The following HERPUD2 variants were observed in gnomAD, a reference collection of about 807,000 sequenced individuals.
The protein encoded by HERPUD2 is homocysteine-responsive endoplasmic reticulum-resident ubiquitin-like domain member 2 protein.
Under a neutral mutation model 49.9 loss-of-function variants are expected in HERPUD2, and 13 were observed. The ratio of observed to expected loss-of-function variants is 0.26; its 90% CI spans 0.17 to 0.41. The LOEUF is 0.41. Among genes scored for constraint, HERPUD2 ranks in the 10% least tolerant of loss-of-function variants. The probability of loss-of-function intolerance (pLI) is 1.00; values close to 1 mark genes in which losing one functional copy is unlikely to be tolerated. For missense variants in HERPUD2, 449 were observed against 492.2 expected (o/e 0.91, Z 0.83); for synonymous variants, 172 against 171.4 (o/e 1.00, Z -0.03).
intron 5 of HERPUD2, among the ~76,000 whole-genome samples, chr7:35,643,611 TAC>T (rs369044326): frequency 3.1e-4 from 46 of 149,636 alleles, no homozygotes; most frequent in Middle Eastern, 3.5e-3. Flanking sequence ...TATATGTGTG[TAC>T]ACACACACAC....
At chr7:35,657,666 T>C (rs555070186) in intron 5 of HERPUD2, among the ~76,000 whole-genome samples, 1 of 149,112 alleles carries the variant, frequency 6.7e-6, no homozygotes. Context: ...TCCCAGCACT[T>C]TGGGAGGCCG....
intron 5 of HERPUD2, among the ~76,000 whole-genome samples, chr7:35,642,730 T>C (rs1320717520): frequency 6.6e-6 from 1 of 152,212 alleles, no homozygotes; most frequent in Non-Finnish European, 1.5e-5. Context: ...CCGCATGTTC[T>C]CACTTATTAG....
chr7:35,634,498 T>C (rs2115814387), intron 7 of HERPUD2, 69 bp from the exon 8 acceptor site: 2 of 906,858 alleles, frequency 2.2e-6, no homozygotes, highest in African/African-American at 1.7e-5. Flanking sequence ...TATAAAATGT[T>C]ATTAGTGTCC....
At chr7:35,665,787 C>CT (rs1179903994) in intron 5 of HERPUD2, among the ~76,000 whole-genome samples, 1 of 152,170 alleles carries the variant, frequency 6.6e-6, no homozygotes, top group Non-Finnish European at 1.5e-5. Flanking sequence ...GAGCTGAATG[C>CT]TTTTGTCTTT....
intron 5 of HERPUD2, among the ~76,000 whole-genome samples, chr7:35,664,260 C>T (rs1054852124): frequency 3.9e-5 from 6 of 152,202 alleles, no homozygotes; most frequent in Non-Finnish European, 7.3e-5. Flanking sequence ...GAGAGATCAG[C>T]TATTAGTCTG....
chr7:35,652,804 G>C (rs1226456090), intron 5 of HERPUD2, among the ~76,000 whole-genome samples: 1 of 151,946 alleles, frequency 6.6e-6, no homozygotes, highest in Non-Finnish European at 1.5e-5. Context: ...GAGAAATAAA[G>C]TCTTTCCCAG....
intron 2 of HERPUD2, among the ~76,000 whole-genome samples, chr7:35,687,981 TATTA>T (rs1214562244): frequency 6.6e-6 from 1 of 152,156 alleles, no homozygotes; most frequent in East Asian, 1.9e-4. Flanking sequence ...AATTTAAAAA[TATTA>T]ATTAAAAATT....
At chr7:35,668,415 C>A (rs1307449281) in intron 4 of HERPUD2, 1 of 152,586 alleles carries the variant, frequency 6.6e-6, no homozygotes, top group Non-Finnish European at 1.5e-5. Context: ...AATAGTTTGT[C>A]AAGTGTTTCA....
At position 35,675,423 on chromosome 7, in the gene HERPUD2, T is replaced by C. The variant is rs1490606269; in HGVS notation, c.148-2145A>G. On this transcript the variant is annotated intron_variant, in intron 2 of 8. Coordinates refer to ENST00000311350, the MANE Select transcript of HERPUD2 (RefSeq NM_022373.5). ...CCAAAATGAATTATCCAATGCTTTA[T>C]AAATCTCTATAATGTACTTATTACA... is the stretch of plus-strand genomic sequence containing the variant. 2.0e-5 allele frequency among the ~76,000 whole-genome samples: 3 copies of C among 152,338 alleles called. No homozygotes were observed. In the South Asian group the frequency reaches 6.2e-4, roughly 32 times the overall value.
At chr7:35,686,612 G>A (rs1409434997) in intron 2 of HERPUD2, among the ~76,000 whole-genome samples, 3 of 130,734 alleles carry the variant, frequency 2.3e-5, no homozygotes, top group South Asian at 2.7e-4. Flanking sequence ...CCAGCTACTT[G>A]GGAGGCTGAG....
intron 5 of HERPUD2, among the ~76,000 whole-genome samples, chr7:35,640,031 C>CA (rs1165395277): frequency 1.3e-5 from 2 of 152,140 alleles, no homozygotes; most frequent in Admixed American, 6.5e-5. Context: ...CTCCCCACCT[C>CA]AAAAAAAGCA....
chr7:35,649,365 GCA>G (rs1190800363), intron 5 of HERPUD2, among the ~76,000 whole-genome samples: 5 of 151,988 alleles, frequency 3.3e-5, no homozygotes, highest in African/African-American at 1.2e-4. Context: ...TATTTTAAAA[GCA>G]CACACAGAAG....
chr7:35,665,424 G>C (rs960263415), intron 5 of HERPUD2, among the ~76,000 whole-genome samples: 17 of 152,228 alleles, frequency 1.1e-4, no homozygotes, highest in African/African-American at 4.1e-4. Flanking sequence ...AGCCAGGCGC[G>C]GGATATAATC....
chr7:35,637,471 G>C (rs1212288809), intron 6 of HERPUD2, among the ~76,000 whole-genome samples: 4 of 152,176 alleles, frequency 2.6e-5, no homozygotes, highest in African/African-American at 9.6e-5. Flanking sequence ...TGAGAAAGGA[G>C]AAGGCACTTA....
chr7:35,662,511 T>C (rs1785446259), intron 5 of HERPUD2, among the ~76,000 whole-genome samples: 1 of 152,214 alleles, frequency 6.6e-6, no homozygotes, highest in Non-Finnish European at 1.5e-5. Flanking sequence ...TCTTGGACTT[T>C]TTTTGGTTGG....
intron 2 of HERPUD2, among the ~76,000 whole-genome samples, chr7:35,688,871 CA>C (rs928453197): frequency 4.8e-4 from 68 of 142,750 alleles, no homozygotes; most frequent in Middle Eastern, 7.1e-3. Context: ...CTGACCTAAG[CA>C]AAAAAAAAAA....
intron 2 of HERPUD2, among the ~76,000 whole-genome samples, chr7:35,683,413 A>G (rs1261757129): frequency 6.6e-6 from 1 of 152,218 alleles, no homozygotes; most frequent in East Asian, 1.9e-4. Flanking sequence ...CTTATACAAA[A>G]ATCAACTCAA....
At chr7:35,694,002 A>C (rs573196265) in intron 2 of HERPUD2, among the ~76,000 whole-genome samples, 182 bp downstream of exon 2, 1 of 152,260 alleles carries the variant, frequency 6.6e-6, no homozygotes, top group East Asian at 1.9e-4. Context: ...GAACCTCATC[A>C]GGAAAATATT....
At chr7:35,672,699 T>C (rs980289772) in intron 3 of HERPUD2, among the ~76,000 whole-genome samples, 1 of 152,100 alleles carries the variant, frequency 6.6e-6, no homozygotes, top group Non-Finnish European at 1.5e-5. Flanking sequence ...TTCAAGTTGA[T>C]TTTATTGAAA....
Sources: allele counts gnomAD v4.1 joint callset (sites outside exome capture counted in the v4.1 genomes callset), GRCh38; gene constraint gnomAD v4.1.1; transcripts MANE v1.5; gene names NCBI Gene and HGNC (gene_info 2026-07-23, HGNC 2026-07-21).